Variants in PCDHGA5 observed in about 807,000 individuals in gnomAD.
PCDHGA5 encodes the protein protocadherin gamma-A5.
PCDHGA5 carries 36 observed loss-of-function variants against 56.7 expected under a neutral mutation model. That is an observed-to-expected ratio of 0.64 (90% CI 0.49 to 0.84). The LOEUF is 0.84. Ranked by LOEUF, PCDHGA5 falls within the 40% of genes least tolerant of loss-of-function variation. PCDHGA5 has a pLI of 0.00. For synonymous variants in PCDHGA5, 563 were observed against 520.2 expected, an observed-to-expected ratio of 1.08 and a Z score of -1.12; for missense variants, 1,305 against 1,201.5, an observed-to-expected ratio of 1.09 and a Z score of -1.27.
intron 1 of PCDHGA5, 138 bp from the exon 2 acceptor site, chr5:141,494,669 T>A: frequency 6.5e-7 from 1 of 1,527,472 alleles, no homozygotes; most frequent in South Asian, 1.2e-5. Context: ...TGGAGATGAG[T>A]CCACCCCTGC....
At chr5:141,372,125 G>A in intron 1 of PCDHGA5, 2 of 1,613,718 alleles carry the variant, frequency 1.2e-6, no homozygotes, top group East Asian at 2.2e-5. Context: ...TCTTCGATAT[G>A]GTGCCGCGCT....
At chr5:141,409,071 A>G in intron 1 of PCDHGA5, 4 of 1,613,996 alleles carry the variant, frequency 2.5e-6, no homozygotes, top group Non-Finnish European at 3.4e-6. Context: ...AGCACAAAAC[A>G]TATGTTCTCA....
chr5:141,371,325 G>A (rs1335421404), intron 1 of PCDHGA5: 2 of 1,613,966 alleles, frequency 1.2e-6, no homozygotes, highest in Non-Finnish European at 8.5e-7. Context: ...GGACTTTGAA[G>A]AGAGAGATAG....
chr5:141,422,296 A>C, intron 1 of PCDHGA5: 1 of 1,550,706 alleles, frequency 6.4e-7, no homozygotes, highest in South Asian at 1.3e-5. Context: ...TATTAATTCA[A>C]TTCTGGAAAA....
At chr5:141,384,694 G>A (rs772190655) in intron 1 of PCDHGA5, 1 of 1,614,084 alleles carries the variant, frequency 6.2e-7, no homozygotes, top group Non-Finnish European at 8.5e-7. Context: ...CAAAGATTCA[G>A]GCCAGAACGC....
chr5:141,497,957 A>G (rs2099780682), intron 2 of PCDHGA5, among the ~76,000 whole-genome samples: 1 of 152,242 alleles, frequency 6.6e-6, no homozygotes, highest in Non-Finnish European at 1.5e-5. Flanking sequence ...TCTGTTGGCC[A>G]GGCAGTGTTC....
At chr5:141,377,473 G>A (rs1467921393) in intron 1 of PCDHGA5, 2 of 152,044 alleles carry the variant, frequency 1.3e-5, no homozygotes, top group Admixed American at 1.3e-4. Flanking sequence ...GCGTACACCT[G>A]TAGTCCCAGC....
chr5:141,408,443 A>G (rs1486863170), intron 1 of PCDHGA5: 1 of 1,613,956 alleles, frequency 6.2e-7, no homozygotes, highest in Non-Finnish European at 8.5e-7. Flanking sequence ...AGACGCGGAG[A>G]GCGGGGACTT....
intron 1 of PCDHGA5, chr5:141,420,323 A>G (rs753373746): frequency 2.1e-6 from 3 of 1,410,102 alleles, no homozygotes; most frequent in East Asian, 2.4e-5. Flanking sequence ...CAATATGCCA[A>G]TATATTCCAA....
In PCDHGA5 at chr5:141,486,936, A is replaced by G; in HGVS notation, c.2422-7871A>G. 2 of 1,614,184 alleles carry G rather than the reference A, an allele frequency of 1.2e-6. No individual in the cohort carries two copies. Among genetic ancestry groups the G allele is most frequent in the Non-Finnish European group, 1.7e-6 (2 of 1,180,030 alleles). On this transcript the variant is annotated intron_variant, in intron 1 of 3. Transcript: ENST00000518069. This position sits in a 1 kb window ranked among gnomAD's most constrained non-coding sequence, Gnocchi z 5.0. ...CTGCCTCCATCAGTTGGTGCTGGCC[A>G]CCTAATCACAAAGGTGACTGCTGTG...
At chr5:141,423,202 G>A (rs771252840) in intron 1 of PCDHGA5, 67 of 1,613,500 alleles carry the variant, frequency 4.2e-5, no homozygotes, top group Non-Finnish European at 5.5e-5. Context: ...CTCGGCCACC[G>A]TCACGCTCAC....
At chr5:141,415,490 T>C in intron 1 of PCDHGA5, 2 of 1,614,228 alleles carry the variant, frequency 1.2e-6, no homozygotes, top group Admixed American at 3.3e-5. Flanking sequence ...AAGAGTCACC[T>C]GATCTTCCCC....
intron 1 of PCDHGA5, chr5:141,410,606 G>C: frequency 1.2e-6 from 2 of 1,607,214 alleles, no homozygotes; most frequent in Non-Finnish European, 1.7e-6. Flanking sequence ...TTCACATCCT[G>C]AGACTCTGAC....
At chr5:141,375,821 C>A (rs1472171329) in intron 1 of PCDHGA5, 6 of 1,614,074 alleles carry the variant, frequency 3.7e-6, no homozygotes, top group Non-Finnish European at 5.1e-6. Flanking sequence ...GCTGGCGCCC[C>A]GCTCCGCAGA....
intron 1 of PCDHGA5, chr5:141,403,631 C>A (rs751580878): frequency 2.5e-6 from 4 of 1,613,912 alleles, no homozygotes; most frequent in Non-Finnish European, 2.5e-6. Flanking sequence ...CAGCACAGTG[C>A]GCATCCATGT....
At chr5:141,379,827 G>A (rs1217798060) in intron 1 of PCDHGA5, among the ~76,000 whole-genome samples, 3 of 142,646 alleles carry the variant, frequency 2.1e-5, no homozygotes, top group Non-Finnish European at 3.0e-5. Flanking sequence ...GAATTTTGAA[G>A]CATCAGGAAA....
chr5:141,478,418 C>A, intron 1 of PCDHGA5: 1 of 1,613,650 alleles, frequency 6.2e-7, no homozygotes, highest in Non-Finnish European at 8.5e-7. Context: ...GGACTCCCGC[C>A]GCAGCGACCC....
At chr5:141,377,523 G>C (rs937581595) in intron 1 of PCDHGA5, 1 of 151,990 alleles carries the variant, frequency 6.6e-6, no homozygotes, top group Non-Finnish European at 1.5e-5. Flanking sequence ...TTAAGTCCAG[G>C]GGTATGAGGC....
At chr5:141,460,981 G>GTATA (rs1491204135) in intron 1 of PCDHGA5, among the ~76,000 whole-genome samples, 10 of 121,884 alleles carry the variant, frequency 8.2e-5, no homozygotes, top group African/African-American at 3.1e-4. Context: ...GTGTGTGTGT[G>GTATA]TGTATATATA....
Sources: allele counts gnomAD v4.1 joint callset (sites outside exome capture counted in the v4.1 genomes callset), GRCh38; gene constraint gnomAD v4.1.1; non-coding constraint Gnocchi (gnomAD v3.1); transcripts MANE v1.5; gene names NCBI Gene and HGNC (gene_info 2026-07-23, HGNC 2026-07-21).